Variants in DNAJC21 observed in about 807,000 individuals in gnomAD.
DNAJC21 encodes dnaJ homolog subfamily C member 21.
DNAJC21 carries 63 observed loss-of-function variants against 72.4 expected under a neutral mutation model. The observed-to-expected ratio is 0.87, with a 90% CI of 0.71 to 1.07. The LOEUF (loss-of-function observed/expected upper bound fraction) is 1.07. Ranked by LOEUF, DNAJC21 falls within the 50% of genes least tolerant of loss-of-function variation. The probability of loss-of-function intolerance (pLI) is 0.00; values close to 1 mark genes in which losing one functional copy is unlikely to be tolerated. For synonymous variants in DNAJC21, 203 were observed against 216.7 expected, an observed-to-expected ratio of 0.94 and a Z score of 0.56; for missense variants, 634 against 644.8, an observed-to-expected ratio of 0.98 and a Z score of 0.18.
At chr5:34,952,191 A>C in intron 10 of DNAJC21, 3 of 985,310 alleles carry the variant, frequency 3.0e-6, no homozygotes, top group Non-Finnish European at 3.6e-6. Context: ...TATCAGCTTC[A>C]GAGATGTAAC....
In DNAJC21 at chr5:34,929,664, C is replaced by G. The variant is rs1055038505; in HGVS notation, c.-156C>G. 1 of 176,942 alleles carries G rather than the reference C, an allele frequency of 5.7e-6. No homozygotes were observed. The highest frequency in any genetic ancestry group is 1.1e-5 in the Non-Finnish European group (1 of 92,046). The allele number at this position is 176,942 out of a possible 1,614,324, so 11.0% of individuals were successfully genotyped here. A position where few individuals can be genotyped will look rare whatever the true frequency, so the allele number is the denominator to read the frequency against. ...CTTCACTGACCTACACCACCGCCGC[C>G]GCCGCCGCCGCCGCCGGGCTCGCTG... On this transcript the variant is annotated 5_prime_UTR_variant, in exon 1 of 12. Transcript: ENST00000648817.
At chr5:34,949,425 A>G (rs1765280636) in intron 9 of DNAJC21, 8 of 1,481,354 alleles carry the variant, frequency 5.4e-6, no homozygotes, top group South Asian at 2.7e-5. Context: ...CCTATCCTGT[A>G]TATCCCTATA....
intron 2 of DNAJC21, 23 bp downstream of exon 2, chr5:34,933,931 C>T: frequency 6.2e-7 from 1 of 1,602,788 alleles, no homozygotes; most frequent in Non-Finnish European, 8.5e-7. Context: ...CTGTCCTTCC[C>T]ATCCTAGTTT....
rs750580948 is a variant in DNAJC21 at position 34,937,592 on chromosome 5, C to T, written c.705C>T (p.Ala235=). 3.3e-5 allele frequency: 53 copies of T among 1,613,224 alleles called. No individual in the cohort carries two copies. The highest frequency in any genetic ancestry group is 4.4e-5 in the South Asian group (4 of 91,036). Residue 235 remains alanine, a synonymous_variant, in exon 5 of 12, where the codon GCC becomes GCT. Coordinates refer to ENST00000648817, the MANE Select transcript of DNAJC21 (RefSeq NM_001012339.3). ...AGAATGCAGAGAAGGCGAGGAAAGC[C>T]GAAGAGATGAGGCGGCAGCAGAAGC... ...EEQNAEKARK[A]EEMRRQQKLK...
intron 8 of DNAJC21, 187 bp from the exon 9 acceptor site, chr5:34,945,574 C>A (rs1765148366): frequency 7.6e-6 from 4 of 529,166 alleles, no homozygotes; most frequent in Non-Finnish European, 1.3e-5. Flanking sequence ...TGAACTACAG[C>A]CTTGTGTTAT....
In DNAJC21 at chr5:34,957,902, C is replaced by T. The variant is rs1765580229; in HGVS notation, c.*3188C>T. On this transcript the variant is annotated 3_prime_UTR_variant, in exon 12 of 12. Transcript: ENST00000648817. ...CCTATAATCTGCAATGCTGAAGTAT[C>T]TCTATTCAATTCCCTTCCTTATCTG... 1 of 152,228 alleles carries T rather than the reference C, an allele frequency of 6.6e-6. No homozygotes were observed. The highest frequency in any genetic ancestry group is 1.5e-5 in the Non-Finnish European group (1 of 68,040). 9.4% of individuals were successfully genotyped at this position (152,228 alleles called of 1,614,324 possible).
Position 34,957,947 on chromosome 5 carries a change from A to C in DNAJC21, c.*3233A>C, listed in dbSNP as rs945808536. The C allele has an allele frequency of 6.6e-6, 1 of 152,210 alleles. No homozygotes were observed. Among genetic ancestry groups the C allele is most frequent in the South Asian group, 2.1e-4 (1 of 4,834 alleles). The allele number at this position is 152,210 out of a possible 1,614,324, so 9.4% of individuals were successfully genotyped here. A position where few individuals can be genotyped will look rare whatever the true frequency, so the allele number is the denominator to read the frequency against. ...TATCTGTTAAATTTAATGTCTTTAT[A>C]CTAAAAATATAGGCTCTTGGGATTG... On this transcript the variant is annotated 3_prime_UTR_variant, in exon 12 of 12. Coordinates refer to ENST00000648817, the MANE Select transcript of DNAJC21 (RefSeq NM_001012339.3).
intron 4 of DNAJC21, among the ~76,000 whole-genome samples, chr5:34,937,087 A>C (rs1448804501): frequency 6.6e-6 from 1 of 152,140 alleles, no homozygotes; most frequent in Non-Finnish European, 1.5e-5. Context: ...CTGATTATTT[A>C]CTAATCACCA....
chr5:34,933,564 C>T (rs1764669510), intron 1 of DNAJC21, among the ~76,000 whole-genome samples: 1 of 152,170 alleles, frequency 6.6e-6, no homozygotes, highest in Non-Finnish European at 1.5e-5. Flanking sequence ...TGGGCGTGAG[C>T]CATCACGCCC....
chr5:34,929,991 G>T, intron 1 of DNAJC21, 75 bp downstream of exon 1: 2 of 1,213,112 alleles, frequency 1.6e-6, no homozygotes, highest in Non-Finnish European at 2.2e-6. Context: ...TCCCCCGGGC[G>T]GACTCCGCGG....
intron 4 of DNAJC21, among the ~76,000 whole-genome samples, chr5:34,936,831 A>G (rs184943642): frequency 4.6e-5 from 7 of 151,224 alleles, no homozygotes; most frequent in African/African-American, 1.7e-4. Flanking sequence ...GCTCACTGCA[A>G]CCTCAGCCTC....
chr5:34,944,990 T>C lies in DNAJC21; in HGVS notation c.1107T>C (p.Asn369=). The C allele has an allele frequency of 1.2e-6, 2 of 1,613,842 alleles. No homozygotes were observed. The highest frequency in any genetic ancestry group is 2.2e-5 in the East Asian group (1 of 44,874). ...TTGATGAAAATCCATTAGATGACAA[T>C]TCTGAGGAAGAAATGGAAGATGCAC... ...PQIDENPLDD[N]SEEEMEDAPK... Residue 369 remains asparagine (N), a synonymous_variant, in exon 8 of 12, where the codon AAT becomes AAC. Coordinates refer to ENST00000648817, the MANE Select transcript of DNAJC21 (RefSeq NM_001012339.3).
intron 9 of DNAJC21, 119 bp downstream of exon 9, chr5:34,945,922 G>GT: frequency 1.5e-6 from 1 of 670,858 alleles, no homozygotes; most frequent in Admixed American, 3.1e-5. Context: ...TATGTTGATT[G>GT]TAAGATTGAT....
chr5:34,943,729 C>A (rs555475234), intron 7 of DNAJC21, among the ~76,000 whole-genome samples: 2 of 152,336 alleles, frequency 1.3e-5, no homozygotes, highest in Admixed American at 1.3e-4. Flanking sequence ...CCAGTACCCC[C>A]TCAAGTTTTT....
rs7734777 is a variant in DNAJC21, at chr5:34,956,050, C to A, written c.*1336C>A. Reference sequence around the variant, plus strand: ...CCTGGGCGACAGAGCGAGACTCCGTCTCAAAAAAAAAAAAAAAAAAAAAAA... The same window carrying A: ...CCTGGGCGACAGAGCGAGACTCCGTATCAAAAAAAAAAAAAAAAAAAAAAA... On this transcript the variant is annotated 3_prime_UTR_variant, in exon 12 of 12. Transcript: ENST00000648817. 0.046 allele frequency: 4,223 copies of A among 90,884 alleles called. 150 individuals carry two copies. Among genetic ancestry groups the A allele is most frequent in the African/African-American group, 0.12 (2,850 of 22,954 alleles). The allele number at this position is 90,884 out of a possible 1,614,324, so 5.6% of individuals were successfully genotyped here.
chr5:34,954,062 T>A, intron 11 of DNAJC21, 61 bp downstream of exon 11: 1 of 1,453,082 alleles, frequency 6.9e-7, no homozygotes. Context: ...AGTATAATGA[T>A]CTAAAGATGG....
chr5:34,947,656 G>GTTTT (rs11404640), intron 9 of DNAJC21, among the ~76,000 whole-genome samples: 43 of 87,314 alleles, frequency 4.9e-4, no homozygotes, highest in South Asian at 1.8e-3. Context: ...TTTTCACCAT[G>GTTTT]TTTTTTTTTT....
At position 34,929,932 on chromosome 5, in the gene DNAJC21, G is replaced by A; in HGVS notation, c.97+16G>A. 2.6e-6 allele frequency: 4 copies of A among 1,543,652 alleles called. No individual in the cohort carries two copies. Among genetic ancestry groups the A allele is most frequent in the East Asian group, 5.1e-5 (2 of 39,168 alleles). On this transcript the variant is annotated intron_variant, in intron 1 of 11. Coordinates refer to ENST00000648817, the MANE Select transcript of DNAJC21 (RefSeq NM_001012339.3). The stretch of plus-strand genomic sequence containing the variant: ...TGGCACCCGGGTAAGTACCTGTCCC[G>A]CAGCCCCCGCGGCCACTCGGAGAAG...
At chr5:34,949,630 G>A in intron 9 of DNAJC21, 1 of 1,609,450 alleles carries the variant, frequency 6.2e-7, no homozygotes, top group Non-Finnish European at 8.5e-7. Flanking sequence ...GAGAAGAGAT[G>A]GAGAGAGCGA....
Sources: allele counts gnomAD v4.1 joint callset (sites outside exome capture counted in the v4.1 genomes callset), GRCh38; gene constraint gnomAD v4.1.1; transcripts MANE v1.5; gene names NCBI Gene and HGNC (gene_info 2026-07-23, HGNC 2026-07-21).